QTRT2: variants seen among roughly 807,000 people sequenced by gnomAD.
The protein encoded by QTRT2 is queuine tRNA-ribosyltransferase domain containing 1.
A neutral mutation model predicts 44.8 loss-of-function variants in QTRT2; 32 were observed. That is an observed-to-expected ratio of 0.71 (90% CI 0.54 to 0.96). The LOEUF (loss-of-function observed/expected upper bound fraction) is 0.96, where lower values mean the gene tolerates loss of function less well. Among genes scored for constraint, QTRT2 ranks in the 40% least tolerant of loss-of-function variants. QTRT2 has a pLI of 0.00. For synonymous variants in QTRT2, 182 were observed against 187.4 expected, an observed-to-expected ratio of 0.97 and a Z score of 0.24; for missense variants, 461 against 503.1, an observed-to-expected ratio of 0.92 and a Z score of 0.80.
At chr3:114,067,959 T>C (rs1356301912) in intron 4 of QTRT2, 28 bp from the exon 5 acceptor site, 1 of 1,607,896 alleles carries the variant, frequency 6.2e-7, no homozygotes. Context: ...GTAAGCACTT[T>C]CAAGGGTTCT....
intron 2 of QTRT2, among the ~76,000 whole-genome samples, chr3:114,060,512 A>AGG (rs2076868837): frequency 1.1e-5 from 1 of 89,772 alleles, no homozygotes; most frequent in Non-Finnish European, 2.7e-5. Flanking sequence ...AGATAGATAG[A>AGG]TAGATAGATA....
At chr3:114,065,939 G>C (rs771643303) in intron 3 of QTRT2, among the ~76,000 whole-genome samples, 17 of 152,216 alleles carry the variant, frequency 1.1e-4, no homozygotes, top group Admixed American at 1.3e-4. Context: ...GCAGCGTTGT[G>C]TTAACAACAG....
chr3:114,060,244 T>A (rs1185733630), intron 2 of QTRT2, among the ~76,000 whole-genome samples: 1 of 152,172 alleles, frequency 6.6e-6, no homozygotes, highest in African/African-American at 2.4e-5. Context: ...GTTCATTCTT[T>A]CCTTACACAA....
chr3:114,075,017 A>G (rs548808347), intron 6 of QTRT2, among the ~76,000 whole-genome samples: 1 of 152,334 alleles, frequency 6.6e-6, no homozygotes, highest in East Asian at 1.9e-4. Flanking sequence ...TTGTAAATAA[A>G]CCTTGGCACA....
chr3:114,056,839 GAA>G lies in QTRT2; in HGVS notation c.-153_-152del. 6.5e-7 allele frequency: 1 copy of G among 1,535,780 alleles called. No homozygotes were observed. Among genetic ancestry groups the G allele is most frequent in the Non-Finnish European group, 8.7e-7 (1 of 1,146,740 alleles). On this transcript the variant is annotated 5_prime_UTR_variant, in exon 1 of 10. Coordinates refer to ENST00000281273, the MANE Select transcript of QTRT2 (RefSeq NM_024638.4). Reference sequence around the variant, plus strand: ...GAGGAGTTTGAGGGGTCTGAAGACTGAAAGAGTCGAATGGTTTGTTGGCAGGT... The same window carrying G: ...GAGGAGTTTGAGGGGTCTGAAGACTGAGAGTCGAATGGTTTGTTGGCAGGT...
chr3:114,069,786 G>A (rs1308727451), intron 5 of QTRT2, among the ~76,000 whole-genome samples: 2 of 152,132 alleles, frequency 1.3e-5, no homozygotes, highest in Non-Finnish European at 1.5e-5. Flanking sequence ...GGGTTGAATG[G>A]TAGTTTTGCT....
At chr3:114,072,760 C>A (rs997283115) in intron 6 of QTRT2, among the ~76,000 whole-genome samples, 24 of 152,276 alleles carry the variant, frequency 1.6e-4, no homozygotes, top group African/African-American at 5.8e-4. Context: ...TGGGTTTCAT[C>A]TGACATATTG....
In QTRT2 at chr3:114,075,761, G is replaced by A. The variant is rs113078993; in HGVS notation, c.547-982G>A. On this transcript the variant is annotated intron_variant, in intron 6 of 9. Transcript: ENST00000281273. Reference sequence around the variant, plus strand: ...TGACCTCAAGTGATCCACCTGCCTCGGCCTCCTGCTGGGATTACAGACATG... The same window carrying A: ...TGACCTCAAGTGATCCACCTGCCTCAGCCTCCTGCTGGGATTACAGACATG... Among the ~76,000 whole-genome samples, 11 of 152,016 alleles carry A rather than the reference G, an allele frequency of 7.2e-5. No homozygotes were observed. In the South Asian group the frequency reaches 1.2e-3, roughly 17 times the overall value.
chr3:114,082,244 A>ACACG (rs912314106), intron 8 of QTRT2, among the ~76,000 whole-genome samples: 34 of 127,762 alleles, frequency 2.7e-4, no homozygotes, highest in Non-Finnish European at 4.6e-4. Flanking sequence ...ACACACACAC[A>ACACG]CACACACACG....
chr3:114,059,498 T>G (rs1244183094), intron 2 of QTRT2, among the ~76,000 whole-genome samples: 1 of 152,236 alleles, frequency 6.6e-6, no homozygotes, highest in Non-Finnish European at 1.5e-5. Flanking sequence ...AGTAACAATT[T>G]ATTGTATTTG....
At chr3:114,068,212 A>T (rs950248536) in intron 5 of QTRT2, 149 bp downstream of exon 5, 3 of 658,598 alleles carry the variant, frequency 4.6e-6, no homozygotes, top group Admixed American at 2.3e-5. Context: ...GGGATGGTTT[A>T]TAAGACTTAG....
chr3:114,082,858 G>A, intron 9 of QTRT2, 64 bp downstream of exon 9: 1 of 739,218 alleles, frequency 1.4e-6, no homozygotes, highest in Non-Finnish European at 2.4e-6. Context: ...TGTGTTAAAA[G>A]TTTATGGGAC....
chr3:114,072,054 T>G (rs941028128), intron 6 of QTRT2, among the ~76,000 whole-genome samples: 1 of 152,226 alleles, frequency 6.6e-6, no homozygotes. Flanking sequence ...CGGATTTCCT[T>G]CTGGACTGTT....
chr3:114,064,288 C>T (rs2076924952), intron 2 of QTRT2, among the ~76,000 whole-genome samples: 1 of 152,086 alleles, frequency 6.6e-6, no homozygotes, highest in East Asian at 1.9e-4. Context: ...ACTAATAAAA[C>T]TGGGCCTGGC....
At chr3:114,058,981 T>C (rs989463347) in intron 2 of QTRT2, among the ~76,000 whole-genome samples, 10 of 152,252 alleles carry the variant, frequency 6.6e-5, no homozygotes, top group African/African-American at 1.9e-4. Flanking sequence ...TGTGTACTTA[T>C]ATATACAGCT....
At chr3:114,082,252 A>ACACACG (rs2077177068) in intron 8 of QTRT2, among the ~76,000 whole-genome samples, 1 of 114,138 alleles carries the variant, frequency 8.8e-6, no homozygotes, top group Non-Finnish European at 1.9e-5. Flanking sequence ...ACACACACAC[A>ACACACG]CGCAACCAAC....
chr3:114,081,517 T>A (rs978558446), intron 8 of QTRT2, among the ~76,000 whole-genome samples: 1 of 152,166 alleles, frequency 6.6e-6, no homozygotes, highest in Non-Finnish European at 1.5e-5. Flanking sequence ...AAGTTTAATT[T>A]GTTTAACTTT....
intron 5 of QTRT2, among the ~76,000 whole-genome samples, chr3:114,070,366 G>A (rs1324323153): frequency 6.6e-6 from 1 of 152,048 alleles, no homozygotes; most frequent in African/African-American, 2.4e-5. Context: ...AGGTAGGGGT[G>A]GGGCAGGTGG....
intron 9 of QTRT2, among the ~76,000 whole-genome samples, chr3:114,083,191 A>G (rs2077189595): frequency 6.6e-6 from 1 of 152,200 alleles, no homozygotes; most frequent in Non-Finnish European, 1.5e-5. Context: ...TCTATAAAGA[A>G]CAAATTAAGA....
Sources: allele counts gnomAD v4.1 joint callset (sites outside exome capture counted in the v4.1 genomes callset), GRCh38; gene constraint gnomAD v4.1.1; transcripts MANE v1.5; gene names NCBI Gene and HGNC (gene_info 2026-07-23, HGNC 2026-07-21).